Variants in LIN7A observed in about 807,000 individuals in gnomAD.
LIN7A encodes lin-7 cell polarity scaffold A.
LIN7A carries 25 observed loss-of-function variants against 29.8 expected under a neutral mutation model. The ratio of observed to expected loss-of-function variants is 0.84; its 90% CI spans 0.61 to 1.17. The LOEUF is 1.17. LIN7A is among the 50% of genes most tolerant of loss of function. LIN7A has a pLI of 0.00. For missense variants in LIN7A, 239 were observed against 287.0 expected, an observed-to-expected ratio of 0.83 and a Z score of 1.21; for synonymous variants, 118 against 107.5, an observed-to-expected ratio of 1.10 and a Z score of -0.60.
At position 80,937,769 on chromosome 12, in the gene LIN7A, G is replaced by T; in HGVS notation, c.-47C>A. 2 of 1,190,408 alleles carry T rather than the reference G, an allele frequency of 1.7e-6. No homozygotes were observed. Among genetic ancestry groups the T allele is most frequent in the Non-Finnish European group, 2.3e-6 (2 of 877,978 alleles). 73.7% of individuals were successfully genotyped at this position (1,190,408 alleles called of 1,614,324 possible). A position where few individuals can be genotyped will look rare whatever the true frequency, so the allele number is the denominator to read the frequency against. On this transcript the variant is annotated 5_prime_UTR_variant, in exon 1 of 6. Coordinates refer to ENST00000552864, the MANE Select transcript of LIN7A (RefSeq NM_004664.4). ...AAAAAAGGAGGAGATTGGGGGCGGG[G>T]GTGGAGAGGGAAGACGGAAAGGAGG... is the stretch of plus-strand genomic sequence containing the variant.
intron 5 of LIN7A, among the ~76,000 whole-genome samples, chr12:80,807,090 T>TTTTTTTTTTTTTTTC (rs1871075314): frequency 6.9e-6 from 1 of 144,704 alleles, no homozygotes; most frequent in African/African-American, 2.5e-5. Context: ...TTTTTTTTTT[T>TTTTTTTTTTTTTTTC]TGACGGAGTC....
chr12:80,917,060 A>C (rs1459465779), intron 1 of LIN7A, among the ~76,000 whole-genome samples: 2 of 152,200 alleles, frequency 1.3e-5, no homozygotes, highest in Admixed American at 1.3e-4. Flanking sequence ...GGGAGTAGGG[A>C]AAAGACAAGT....
At chr12:80,836,036 T>C (rs951539382) in intron 4 of LIN7A, among the ~76,000 whole-genome samples, 8 of 152,338 alleles carry the variant, frequency 5.3e-5, no homozygotes, top group East Asian at 3.9e-4. Context: ...TTTCATTTCA[T>C]AATGAACAGC....
At chr12:80,935,872 C>A (rs758195381) in intron 1 of LIN7A, 1 of 435,674 alleles carries the variant, frequency 2.3e-6, no homozygotes, top group South Asian at 1.7e-5. Context: ...TTAGCACCTC[C>A]TCTCATCAAC....
At chr12:80,893,338 C>G (rs1193757770) in intron 1 of LIN7A, among the ~76,000 whole-genome samples, 1 of 152,140 alleles carries the variant, frequency 6.6e-6, no homozygotes, top group Non-Finnish European at 1.5e-5. Flanking sequence ...CTACCACAGA[C>G]CAATTAAACC....
At chr12:80,909,012 CT>C (rs1301195935) in intron 1 of LIN7A, among the ~76,000 whole-genome samples, 1 of 151,974 alleles carries the variant, frequency 6.6e-6, no homozygotes, top group African/African-American at 2.4e-5. Context: ...ATGATACGTG[CT>C]TTTTATATTT....
At chr12:80,856,433 C>G (rs554909041) in intron 2 of LIN7A, among the ~76,000 whole-genome samples, 2 of 152,162 alleles carry the variant, frequency 1.3e-5, no homozygotes, top group Admixed American at 6.6e-5. Context: ...TACCAGTTGA[C>G]AAACTCTAGG....
At chr12:80,884,407 A>G (rs1051979050) in intron 2 of LIN7A, among the ~76,000 whole-genome samples, 11 of 152,196 alleles carry the variant, frequency 7.2e-5, no homozygotes, top group African/African-American at 2.7e-4. Flanking sequence ...CATGTTCATA[A>G]AAGGTTATCT....
At position 80,795,144 on chromosome 12, in the gene LIN7A, A is replaced by G. The variant is rs1408477747; in HGVS notation, c.*2583T>C. 4 of 152,104 alleles carry G rather than the reference A, an allele frequency of 2.6e-5. No individual in the cohort carries two copies. The highest frequency in any genetic ancestry group is 5.9e-5 in the Non-Finnish European group (4 of 67,982). 9.4% of individuals were successfully genotyped at this position (152,104 alleles called of 1,614,324 possible). On this transcript the variant is annotated 3_prime_UTR_variant, in exon 6 of 6. Coordinates refer to ENST00000552864, the MANE Select transcript of LIN7A (RefSeq NM_004664.4). Reference sequence around the variant, plus strand: ...GGGACATGTCAGTGGCTCTAATATGATCGTTAATAATGAAGATAATTAGTA... The same window carrying G: ...GGGACATGTCAGTGGCTCTAATATGGTCGTTAATAATGAAGATAATTAGTA...
intron 1 of LIN7A, among the ~76,000 whole-genome samples, chr12:80,891,164 T>C (rs1174883034): frequency 6.6e-6 from 1 of 152,192 alleles, no homozygotes; most frequent in Non-Finnish European, 1.5e-5. Context: ...GAAGTCTTCA[T>C]CATTTCTCAC....
chr12:80,810,253 C>T (rs1871221747), intron 5 of LIN7A, among the ~76,000 whole-genome samples: 1 of 152,184 alleles, frequency 6.6e-6, no homozygotes. Flanking sequence ...TTTTCAGATT[C>T]CACACATAGG....
chr12:80,813,408 TAAC>T (rs568188307), intron 4 of LIN7A, among the ~76,000 whole-genome samples: 115 of 152,252 alleles, frequency 7.6e-4, no homozygotes, highest in Non-Finnish European at 1.4e-3. Context: ...GCTAATAACT[TAAC>T]AAAAACTGGT....
intron 1 of LIN7A, among the ~76,000 whole-genome samples, chr12:80,917,985 C>G (rs1337575580): frequency 6.6e-6 from 1 of 152,200 alleles, no homozygotes; most frequent in East Asian, 1.9e-4. Context: ...GTTTTACCAT[C>G]TCCAGTATGC....
intron 1 of LIN7A, among the ~76,000 whole-genome samples, chr12:80,931,183 C>T (rs1877881053): frequency 6.6e-6 from 1 of 152,182 alleles, no homozygotes; most frequent in Non-Finnish European, 1.5e-5. Context: ...AAACAACACT[C>T]ATAAGCAAGA....
At chr12:80,835,698 G>T (rs1253333458) in intron 4 of LIN7A, among the ~76,000 whole-genome samples, 3 of 152,150 alleles carry the variant, frequency 2.0e-5, no homozygotes, top group Non-Finnish European at 4.4e-5. Flanking sequence ...GATTAAACCT[G>T]TGAGAAAGAT....
In LIN7A at chr12:80,794,561, A is replaced by T. The variant is rs1385475445; in HGVS notation, c.*3166T>A. Reference sequence around the variant, plus strand: ...CAGTTGAGTAACATGAAATGAGATAAGATCAGTTTGATGTCACAGTTGAAA... The same window carrying T: ...CAGTTGAGTAACATGAAATGAGATATGATCAGTTTGATGTCACAGTTGAAA... On this transcript the variant is annotated 3_prime_UTR_variant, in exon 6 of 6. Coordinates refer to ENST00000552864, the MANE Select transcript of LIN7A (RefSeq NM_004664.4). 2.0e-5 allele frequency: 3 copies of T among 152,170 alleles called. No individual in the cohort carries two copies. Among genetic ancestry groups the T allele is most frequent in the Non-Finnish European group, 4.4e-5 (3 of 68,020 alleles). The allele number at this position is 152,170 out of a possible 1,614,324, so 9.4% of individuals were successfully genotyped here.
intron 2 of LIN7A, among the ~76,000 whole-genome samples, chr12:80,866,959 CTT>C (rs539703839): frequency 6.6e-6 from 1 of 151,824 alleles, no homozygotes; most frequent in Non-Finnish European, 1.5e-5. Context: ...CCATGTCTCT[CTT>C]TTTTTTATTT....
chr12:80,811,301 T>C (rs1871272713), intron 5 of LIN7A, among the ~76,000 whole-genome samples, 164 bp downstream of exon 5: 1 of 152,180 alleles, frequency 6.6e-6, no homozygotes, highest in South Asian at 2.1e-4. Context: ...GTCTTTTGTT[T>C]GATTGATTTT....
intron 5 of LIN7A, among the ~76,000 whole-genome samples, chr12:80,807,063 G>GTTTTTTTTTTTTTTTTTTTGTTT (rs1871030340): frequency 1.9e-5 from 1 of 53,592 alleles, no homozygotes; most frequent in Admixed American, 2.2e-4. Context: ...TGAAGATGGA[G>GTTTTTTTTTTTTTTTTTTTGTTT]TTTTTTTTTT....
Sources: gnomAD v4.1 joint callset for allele counts (sites outside exome capture counted in the v4.1 genomes callset) on GRCh38, gnomAD v4.1.1 for gene constraint, MANE v1.5 for transcripts, NCBI Gene and HGNC (gene_info 2026-07-23, HGNC 2026-07-21) for gene names.